NFAT5: variants seen among roughly 807,000 people sequenced by gnomAD.
NFAT5 encodes nuclear factor of activated T cells 5.
Under a neutral mutation model 166.5 loss-of-function variants are expected in NFAT5, and 31 were observed. That is an observed-to-expected ratio of 0.19 (90% CI 0.14 to 0.25). The LOEUF (loss-of-function observed/expected upper bound fraction) is 0.25, where lower values mean the gene tolerates loss of function less well. Among genes scored for constraint, NFAT5 ranks in the 10% least tolerant of loss-of-function variants. The pLI, the probability that NFAT5 is intolerant of heterozygous loss-of-function variation, is 1.00. For missense variants in NFAT5, 1,449 were observed against 1,821.8 expected (o/e 0.80, Z 3.72); for synonymous variants, 612 against 639.7 (o/e 0.96, Z 0.65).
chr16:69,691,862 ACAGCAGCAGATTCAGC>A lies in NFAT5; in HGVS notation c.2039_2054del (p.Gln680ProfsTer9). 1 of 1,614,152 alleles carries A rather than the reference ACAGCAGCAGATTCAGC, an allele frequency of 6.2e-7. No homozygotes were observed. Among genetic ancestry groups the A allele is most frequent in the Non-Finnish European group, 8.5e-7 (1 of 1,180,022 alleles). On this transcript the variant is annotated frameshift_variant, in exon 13 of 15. Coordinates refer to ENST00000349945, the MANE Select transcript of NFAT5 (RefSeq NM_138713.4). LOFTEE classifies it high-confidence loss of function. The stretch of plus-strand genomic sequence containing the variant: ...CCCACCTACCTTCTGAAAATGAAAA[ACAGCAGCAGATTCAGC>A]CCAAGGCATACAACCCAGAGACCCT...
At position 69,655,632 on chromosome 16, in the gene NFAT5, A is replaced by T; in HGVS notation, c.1029A>T (p.Val343=). 6.2e-7 allele frequency: 1 copy of T among 1,610,588 alleles called. No homozygotes were observed. Among genetic ancestry groups the T allele is most frequent in the Non-Finnish European group, 8.5e-7 (1 of 1,177,896 alleles). The change falls in exon 6 of 15, where the codon GTA becomes GTT. Residue 343 remains valine, a synonymous_variant. Transcript: ENST00000349945. ...AGCTGGAAGGCCATAATGAACCTGT[A>T]GTGTTGCAAGTGTTTGTGGGCAACG... ...TVKLEGHNEP[V]VLQVFVGNDS...
intron 3 of NFAT5, among the ~76,000 whole-genome samples, chr16:69,642,142 G>C (rs1346104249): frequency 6.6e-6 from 1 of 151,946 alleles, no homozygotes; most frequent in Non-Finnish European, 1.5e-5. Flanking sequence ...ATAAAATCCT[G>C]TTTCATCTTT....
chr16:69,568,346 ATGTGTGTGTGTGTGTGTG>A, intron 1 of NFAT5, 131 bp from the exon 2 acceptor site: 1 of 175,664 alleles, frequency 5.7e-6, no homozygotes, highest in Non-Finnish European at 1.1e-5. Context: ...ATATATATAT[ATGTGTGTGTGTGTGTGTG>A]TGTGTGTGTG....
intron 2 of NFAT5, among the ~76,000 whole-genome samples, chr16:69,616,272 C>T (rs1409885622): frequency 6.6e-6 from 1 of 151,864 alleles, no homozygotes; most frequent in African/African-American, 2.4e-5. Flanking sequence ...CTCCCCCTCT[C>T]TTGCCCAGTG....
At chr16:69,600,760 GAAAAAA>G (rs34206965) in intron 2 of NFAT5, among the ~76,000 whole-genome samples, 8 of 101,374 alleles carry the variant, frequency 7.9e-5, no homozygotes, top group South Asian at 7.7e-4. Flanking sequence ...GGAATACTTT[GAAAAAA>G]AAAAAAAAAA....
intron 2 of NFAT5, 84 bp from the exon 3 acceptor site, chr16:69,626,319 A>G: frequency 8.0e-7 from 1 of 1,256,736 alleles, no homozygotes; most frequent in Admixed American, 2.7e-5. Context: ...CATGAGAGAA[A>G]AGACATACTC....
intron 6 of NFAT5, among the ~76,000 whole-genome samples, chr16:69,658,019 A>G (rs1266015816): frequency 1.3e-5 from 2 of 148,990 alleles, no homozygotes; most frequent in Non-Finnish European, 3.0e-5. Context: ...CGGGAGGCAG[A>G]CTTGCAGCGA....
chr16:69,648,510 GAAAC>G, intron 4 of NFAT5: 1 of 982,640 alleles, frequency 1.0e-6, no homozygotes, highest in Non-Finnish European at 1.2e-6. Flanking sequence ...AGAGGGTGAT[GAAAC>G]AGGATCATGG....
intron 2 of NFAT5, among the ~76,000 whole-genome samples, chr16:69,601,241 A>C (rs367903766): frequency 6.6e-6 from 1 of 152,328 alleles, no homozygotes; most frequent in South Asian, 2.1e-4. Flanking sequence ...AGGCGTCTCT[A>C]TATATGTATA....
chr16:69,615,860 C>A (rs1040150417), intron 2 of NFAT5, among the ~76,000 whole-genome samples: 1 of 152,128 alleles, frequency 6.6e-6, no homozygotes, highest in African/African-American at 2.4e-5. Context: ...CCCAACTTGG[C>A]CTCTCATAGC....
intron 9 of NFAT5, among the ~76,000 whole-genome samples, chr16:69,675,124 G>A (rs3785075): frequency 0.16 from 24,255 of 152,112 alleles, 2,119 homozygotes; most frequent in East Asian, 0.38. Context: ...AGCAAAATAG[G>A]TTCATTTGGT....
At chr16:69,583,505 A>G (rs2142938048) in intron 2 of NFAT5, among the ~76,000 whole-genome samples, 1 of 152,296 alleles carries the variant, frequency 6.6e-6, no homozygotes, top group East Asian at 1.9e-4. Context: ...ATGAGCCTCA[A>G]GGCCTAGCTG....
chr16:69,660,810 CT>C (rs981895956), intron 7 of NFAT5, among the ~76,000 whole-genome samples: 2 of 106,298 alleles, frequency 1.9e-5, no homozygotes, highest in African/African-American at 3.9e-5. Context: ...CTCTCTCTCT[CT>C]TTTTTTTTTC....
intron 11 of NFAT5, among the ~76,000 whole-genome samples, chr16:69,686,340 G>C (rs566796461): frequency 6.6e-6 from 1 of 151,672 alleles, no homozygotes; most frequent in East Asian, 2.0e-4. Context: ...GCAACAGAGC[G>C]GGACTCGGTC....
At chr16:69,622,913 A>G (rs2034267938) in intron 2 of NFAT5, among the ~76,000 whole-genome samples, 1 of 151,972 alleles carries the variant, frequency 6.6e-6, no homozygotes, top group African/African-American at 2.4e-5. Flanking sequence ...TGGGAGGCCG[A>G]GGTGGGTGGA....
At chr16:69,594,040 C>T (rs1428853064) in intron 2 of NFAT5, among the ~76,000 whole-genome samples, 1 of 152,178 alleles carries the variant, frequency 6.6e-6, no homozygotes, top group Non-Finnish European at 1.5e-5. Flanking sequence ...CCTTCCTTGT[C>T]TGTGGGGAAT....
intron 4 of NFAT5, chr16:69,648,262 C>T (rs1450685624): frequency 1.0e-6 from 1 of 984,490 alleles, no homozygotes; most frequent in Non-Finnish European, 1.2e-6. Flanking sequence ...TCACTAAGAG[C>T]TATGTTCTCT....
At chr16:69,686,573 T>C (rs1318548518) in intron 11 of NFAT5, among the ~76,000 whole-genome samples, 2 of 151,824 alleles carry the variant, frequency 1.3e-5, no homozygotes, top group African/African-American at 4.8e-5. Context: ...TGATAAAAAA[T>C]TTAAATCAGG....
intron 3 of NFAT5, among the ~76,000 whole-genome samples, chr16:69,634,127 A>T (rs2034844848): frequency 6.6e-6 from 1 of 151,808 alleles, no homozygotes; most frequent in African/African-American, 2.4e-5. Context: ...AAAATACAAA[A>T]ATTAGCTGGG....
Sources: allele counts gnomAD v4.1 joint callset (sites outside exome capture counted in the v4.1 genomes callset), GRCh38; gene constraint gnomAD v4.1.1; transcripts MANE v1.5; gene names NCBI Gene and HGNC (gene_info 2026-07-23, HGNC 2026-07-21).